The following PTPRT variants were observed in gnomAD, a reference collection of about 807,000 sequenced individuals.
The protein encoded by PTPRT is receptor-type tyrosine-protein phosphatase T.
In PTPRT, 56 loss-of-function variants were observed where a neutral mutation model predicts 176.8. That is an observed-to-expected ratio of 0.32 (90% CI 0.26 to 0.40). The LOEUF (loss-of-function observed/expected upper bound fraction) is 0.40, where lower values mean the gene tolerates loss of function less well. Ranked by LOEUF, PTPRT falls within the 10% of genes least tolerant of loss-of-function variation. The pLI, the probability that PTPRT is intolerant of heterozygous loss-of-function variation, is 1.00. For synonymous variants in PTPRT, 783 were observed against 739.0 expected (o/e 1.06, Z -0.96); for missense variants, 1,540 against 1,908.2 (o/e 0.81, Z 3.60).
chr20:42,793,528 C>T (rs963403047), intron 2 of PTPRT, among the ~76,000 whole-genome samples: 2 of 152,178 alleles, frequency 1.3e-5, no homozygotes, highest in African/African-American at 2.4e-5. Flanking sequence ...AAATGTAGCA[C>T]CTCCTGGGGA....
At chr20:42,947,300 T>C (rs1041536692) in intron 1 of PTPRT, among the ~76,000 whole-genome samples, 10 of 152,200 alleles carry the variant, frequency 6.6e-5, no homozygotes, top group Non-Finnish European at 1.3e-4. Context: ...AGACTTGTGC[T>C]TGTTAAAATG....
chr20:42,099,196 A>C (rs1429683091), intron 26 of PTPRT, among the ~76,000 whole-genome samples: 1 of 152,040 alleles, frequency 6.6e-6, no homozygotes, highest in Admixed American at 6.5e-5. Flanking sequence ...CCATTCATCC[A>C]TTCATTCAAA....
chr20:42,771,058 G>A (rs1012490710), intron 5 of PTPRT, among the ~76,000 whole-genome samples: 5 of 152,142 alleles, frequency 3.3e-5, no homozygotes, highest in Non-Finnish European at 7.3e-5. Flanking sequence ...AGACAGCATC[G>A]TTAGCCCAAG....
At chr20:42,218,444 G>A (rs1322466729) in intron 15 of PTPRT, among the ~76,000 whole-genome samples, 1 of 152,184 alleles carries the variant, frequency 6.6e-6, no homozygotes, top group Non-Finnish European at 1.5e-5. Flanking sequence ...GTAATGATAA[G>A]ATTCAAGATG....
At chr20:42,883,836 C>A (rs796266947) in intron 2 of PTPRT, among the ~76,000 whole-genome samples, 39 of 2,056 alleles carry the variant, frequency 0.019, no homozygotes, top group African/African-American at 0.027. Flanking sequence ...ACACACACCC[C>A]CATACACATA....
At chr20:42,779,653 A>G (rs963008988) in intron 4 of PTPRT, among the ~76,000 whole-genome samples, 1 of 152,206 alleles carries the variant, frequency 6.6e-6, no homozygotes, top group African/African-American at 2.4e-5. Context: ...AAAGAAGTAG[A>G]TGGGTATGGA....
intron 16 of PTPRT, among the ~76,000 whole-genome samples, chr20:42,173,603 G>C (rs1339850255): frequency 6.6e-6 from 1 of 152,068 alleles, no homozygotes; most frequent in Non-Finnish European, 1.5e-5. Context: ...GAAAAAAAAT[G>C]AAAGGTCGTT....
chr20:42,199,243 A>G lies in PTPRT; in HGVS notation c.2488T>C (p.Phe830Leu), dbSNP rs1357686860. The G allele has an allele frequency of 1.9e-6, 3 of 1,613,934 alleles. No individual in the cohort carries two copies. The highest frequency in any genetic ancestry group is 2.5e-6 in the Non-Finnish European group (3 of 1,179,932). The change falls in exon 16 of 31, where the codon TTC becomes CTC. Residue 830 changes from phenylalanine (F) to leucine (L), a missense_variant. This residue lies in a region of PTPRT where 255 missense variants were observed against 250.1 expected (regional missense o/e 1.02). Coordinates refer to ENST00000373187, the MANE Select transcript of PTPRT (RefSeq NM_007050.6). ...CCCCTTTGTTGGCTCTACTTACTGA[A>G]TCCGTTGACGTCCTGAGAACTAGAA... ...FSSSSQDVNG[F>L]TDGSRGELSQ...
intron 7 of PTPRT, among the ~76,000 whole-genome samples, chr20:42,614,743 C>G (rs1162864477): frequency 6.6e-6 from 1 of 152,190 alleles, no homozygotes; most frequent in East Asian, 1.9e-4. Flanking sequence ...AAGGACATAC[C>G]TGAGACTGGG....
intron 7 of PTPRT, among the ~76,000 whole-genome samples, chr20:42,553,860 G>A (rs2072813147): frequency 6.6e-6 from 1 of 152,090 alleles, no homozygotes; most frequent in African/African-American, 2.4e-5. Flanking sequence ...GGATGGAGGG[G>A]AAAACTGTGG....
At chr20:42,487,548 G>T (rs994742218) in intron 7 of PTPRT, among the ~76,000 whole-genome samples, 5 of 151,870 alleles carry the variant, frequency 3.3e-5, no homozygotes, top group African/African-American at 4.8e-5. Context: ...ATCCGGGTGG[G>T]CCCCATGTAC....
the PTPRT span, among the ~76,000 whole-genome samples, chr20:42,035,213 A>G: frequency 9.9e-5 from 15 of 152,214 alleles, no homozygotes; most frequent in Middle Eastern, 6.8e-3. Context: ...CCTGATCATC[A>G]GGTCTCAGTC....
intron 7 of PTPRT, among the ~76,000 whole-genome samples, chr20:42,513,849 T>A (rs1490772703): frequency 1.3e-5 from 2 of 152,132 alleles, no homozygotes; most frequent in Non-Finnish European, 2.9e-5. Context: ...CAATGAAAAA[T>A]GAACGTTTAA....
intron 1 of PTPRT, among the ~76,000 whole-genome samples, chr20:42,952,936 A>G (rs1485531426): frequency 6.6e-6 from 1 of 152,244 alleles, no homozygotes; most frequent in South Asian, 2.1e-4. Flanking sequence ...CTCTTAAAAA[A>G]AATCTTAGGT....
chr20:42,849,651 A>G (rs956437343), intron 2 of PTPRT, among the ~76,000 whole-genome samples: 14 of 152,120 alleles, frequency 9.2e-5, no homozygotes, highest in Non-Finnish European at 1.6e-4. Context: ...TTATTACATC[A>G]TCTTGGGGAA....
At chr20:43,177,757 C>T (rs938099394) in intron 1 of PTPRT, among the ~76,000 whole-genome samples, 1 of 152,204 alleles carries the variant, frequency 6.6e-6, no homozygotes, top group Non-Finnish European at 1.5e-5. Flanking sequence ...TTCATCAAGT[C>T]AACCTTCAAT....
chr20:42,901,555 C>T (rs1288913161), intron 1 of PTPRT, among the ~76,000 whole-genome samples: 3 of 152,278 alleles, frequency 2.0e-5, no homozygotes, highest in Non-Finnish European at 4.4e-5. Context: ...GCTCCTGGCA[C>T]GTCCCCCACG....
At chr20:43,015,427 A>G (rs58536353) in intron 1 of PTPRT, among the ~76,000 whole-genome samples, 2,255 of 152,302 alleles carry the variant, frequency 0.015, 53 homozygotes, top group African/African-American at 0.052. Context: ...GGAGTGACCA[A>G]AAGTATTTTA....
At chr20:42,356,599 G>A (rs1488777797) in intron 9 of PTPRT, among the ~76,000 whole-genome samples, 1 of 152,158 alleles carries the variant, frequency 6.6e-6, no homozygotes, top group African/African-American at 2.4e-5. Context: ...GGGAGGCTGA[G>A]GCAGGAGAAT....
Sources: gnomAD v4.1 joint callset for allele counts (sites outside exome capture counted in the v4.1 genomes callset) on GRCh38, gnomAD v4.1.1 for gene constraint, gnomAD v4.1.1 regional missense constraint, MANE v1.5 for transcripts, NCBI Gene and HGNC (gene_info 2026-07-23, HGNC 2026-07-21) for gene names.